The following RGS5 variants were observed in gnomAD, a reference collection of about 807,000 sequenced individuals.
The protein encoded by RGS5 is regulator of G-protein signalling 5.
RGS5 carries 20 observed loss-of-function variants against 18.9 expected under a neutral mutation model. The ratio of observed to expected loss-of-function variants is 1.06; its 90% CI spans 0.74 to 1.54. The LOEUF (loss-of-function observed/expected upper bound fraction) is 1.54. Ranked by LOEUF, RGS5 falls within the 40% of genes most tolerant of loss-of-function variation. The pLI is 0.00. For missense variants in RGS5, 201 were observed against 211.8 expected, an observed-to-expected ratio of 0.95 and a Z score of 0.32; for synonymous variants, 57 against 76.2, an observed-to-expected ratio of 0.75 and a Z score of 1.31.
At chr1:163,254,568 T>C (rs1648217503) in intron 2 of RGS5, among the ~76,000 whole-genome samples, 1 of 152,208 alleles carries the variant, frequency 6.6e-6, no homozygotes, top group South Asian at 2.1e-4. Flanking sequence ...GTTGAGTAGG[T>C]TGTGAAAATT....
chr1:163,290,994 TCTC>T (rs1172535267), intron 2 of RGS5, among the ~76,000 whole-genome samples: 13 of 152,234 alleles, frequency 8.5e-5, no homozygotes, highest in African/African-American at 3.1e-4. Context: ...GTCAAACTGT[TCTC>T]CTACTACATA....
chr1:163,297,051 A>C (rs1254192611), intron 2 of RGS5, among the ~76,000 whole-genome samples: 1 of 152,186 alleles, frequency 6.6e-6, no homozygotes, highest in Non-Finnish European at 1.5e-5. Flanking sequence ...AATCATCCTT[A>C]TCTGTTGCAG....
chr1:163,294,104 G>A (rs1202212197), intron 2 of RGS5, among the ~76,000 whole-genome samples: 1 of 152,196 alleles, frequency 6.6e-6, no homozygotes, highest in East Asian at 1.9e-4. Context: ...CTACCATTCT[G>A]GGGGCTGGAG....
chr1:163,170,013 C>T (rs548454258), intron 1 of RGS5, among the ~76,000 whole-genome samples: 11 of 152,142 alleles, frequency 7.2e-5, no homozygotes, highest in South Asian at 2.1e-4. Flanking sequence ...ACTATTTTCA[C>T]GCTCAGTTTT....
intron 1 of RGS5, among the ~76,000 whole-genome samples, chr1:163,213,723 C>T (rs999962985): frequency 6.6e-6 from 1 of 152,206 alleles, no homozygotes; most frequent in Non-Finnish European, 1.5e-5. Flanking sequence ...GCTCCAAGAA[C>T]TTCAACTGCA....
At chr1:163,180,561 C>T (rs1038047081) in intron 1 of RGS5, among the ~76,000 whole-genome samples, 4 of 152,032 alleles carry the variant, frequency 2.6e-5, no homozygotes, top group Admixed American at 6.6e-5. Flanking sequence ...TTTATTCCCA[C>T]GTTTTTTGGG....
chr1:163,222,498 G>C (rs1391976252), upstream of RGS5, among the ~76,000 whole-genome samples: 3 of 152,096 alleles, frequency 2.0e-5, no homozygotes, highest in African/African-American at 7.2e-5. Flanking sequence ...ACCGTGACTG[G>C]TGGACCAAAG....
chr1:163,274,842 C>A (rs967940004), intron 2 of RGS5, among the ~76,000 whole-genome samples: 3 of 152,146 alleles, frequency 2.0e-5, no homozygotes, highest in Admixed American at 2.0e-4. Flanking sequence ...GTATCACTTA[C>A]AAGGTGGGTC....
intron 2 of RGS5, among the ~76,000 whole-genome samples, chr1:163,258,932 T>G (rs1280742199): frequency 6.6e-6 from 1 of 152,076 alleles, no homozygotes; most frequent in African/African-American, 2.4e-5. Context: ...CCATGTCGGC[T>G]TCCCAAAGTG....
At chr1:163,274,233 T>C (rs1648794295) in intron 2 of RGS5, among the ~76,000 whole-genome samples, 1 of 151,578 alleles carries the variant, frequency 6.6e-6, no homozygotes, top group Admixed American at 6.6e-5. Flanking sequence ...AGAATAGGGC[T>C]GATTACCAGA....
chr1:163,155,479 A>T (rs755849721), intron 3 of RGS5, among the ~76,000 whole-genome samples: 3 of 152,100 alleles, frequency 2.0e-5, no homozygotes, highest in African/African-American at 4.8e-5. Context: ...AAGATGTGTA[A>T]AGCTATTCCT....
At chr1:163,203,519 T>C (rs114521284), upstream of RGS5, among the ~76,000 whole-genome samples, 1,235 of 152,314 alleles carry the variant, frequency 8.1e-3, 14 homozygotes, top group African/African-American at 0.027. Flanking sequence ...CAAGGTTTTC[T>C]GGAGCTGAGA....
intron 1 of RGS5, among the ~76,000 whole-genome samples, chr1:163,173,493 T>C (rs1189063487): frequency 6.6e-6 from 1 of 152,230 alleles, no homozygotes; most frequent in Non-Finnish European, 1.5e-5. Flanking sequence ...TCCTTCCTGC[T>C]AGTGCGTGAA....
chr1:163,290,369 G>A (rs779697045), intron 2 of RGS5, among the ~76,000 whole-genome samples: 7 of 152,170 alleles, frequency 4.6e-5, no homozygotes, highest in Non-Finnish European at 1.0e-4. Flanking sequence ...CCACACAAAT[G>A]ACGCCTCTTC....
At chr1:163,303,822 AACCCTATTGCAAACTGC>A (rs1426761967) in intron 2 of RGS5, among the ~76,000 whole-genome samples, 2 of 152,154 alleles carry the variant, frequency 1.3e-5, no homozygotes, top group East Asian at 3.9e-4. Context: ...AAGGAGTGTG[AACCCTATTGCAAACTGC>A]TCATGCGAGG....
intron 2 of RGS5, among the ~76,000 whole-genome samples, chr1:163,235,648 G>A (rs937551251): frequency 1.3e-5 from 2 of 152,110 alleles, no homozygotes; most frequent in Non-Finnish European, 2.9e-5. Flanking sequence ...CATAAGCAAT[G>A]GCTGTGTTGG....
At chr1:163,154,924 AAACTAT>A (rs1423462848) in intron 3 of RGS5, among the ~76,000 whole-genome samples, 5 of 146,522 alleles carry the variant, frequency 3.4e-5, no homozygotes, top group Non-Finnish European at 6.0e-5. Flanking sequence ...TTGTAAACTA[AAACTAT>A]AAGACTAAAA....
chr1:163,221,754 G>A (rs1374951991), upstream of RGS5, among the ~76,000 whole-genome samples: 1 of 152,160 alleles, frequency 6.6e-6, no homozygotes, highest in Non-Finnish European at 1.5e-5. Flanking sequence ...AGCTGCAGTT[G>A]GAGTTGCTTC....
intron 1 of RGS5, among the ~76,000 whole-genome samples, chr1:163,171,559 C>T (rs1658299512): frequency 6.6e-6 from 1 of 152,170 alleles, no homozygotes; most frequent in Admixed American, 6.5e-5. Flanking sequence ...TTTATCCCCC[C>T]TCTCAAATTT....
Sources: gnomAD v4.1 joint callset for allele counts (sites outside exome capture counted in the v4.1 genomes callset) on GRCh38, gnomAD v4.1.1 for gene constraint, MANE v1.5 for transcripts, NCBI Gene and HGNC (gene_info 2026-07-23, HGNC 2026-07-21) for gene names.